Variants in GAPVD1 observed in about 807,000 individuals in gnomAD.
GAPVD1 encodes GTPase activating protein and VPS9 domains 1.
A neutral mutation model predicts 155.5 loss-of-function variants in GAPVD1; 35 were observed. The observed-to-expected ratio is 0.23, with a 90% CI of 0.17 to 0.30. The LOEUF (loss-of-function observed/expected upper bound fraction) is 0.30. Among genes scored for constraint, GAPVD1 ranks in the 10% least tolerant of loss-of-function variants. The pLI is 1.00. For missense variants in GAPVD1, 1,429 were observed against 1,775.7 expected, an observed-to-expected ratio of 0.80 and a Z score of 3.51; for synonymous variants, 636 against 619.7, an observed-to-expected ratio of 1.03 and a Z score of -0.39.
intron 2 of GAPVD1, among the ~76,000 whole-genome samples, chr9:125,293,851 T>A (rs1284905849): frequency 5.2e-5 from 2 of 38,290 alleles, no homozygotes; most frequent in Admixed American, 4.3e-4. Flanking sequence ...AAAAATATAT[T>A]TTATATATAT....
chr9:125,263,508 G>A (rs1456076586), intron 1 of GAPVD1: 4 of 762,758 alleles, frequency 5.2e-6, no homozygotes, highest in Non-Finnish European at 9.0e-6. Context: ...GGATTTATAA[G>A]TCTACTTAGA....
rs751784534 is a variant in GAPVD1 at position 125,267,660 on chromosome 9, CG to C, written c.-198-1274del. ...CTGACCTCAGGTGAACTGCCCGCTT[CG>C]GCCTCCCAAAGTGCTGGGATTACAG... On this transcript the variant is annotated intron_variant, in intron 1 of 27. Coordinates refer to ENST00000297933, the MANE Select transcript of GAPVD1 (RefSeq NM_001282680.3). Among the ~76,000 whole-genome samples the C allele has an allele frequency of 2.6e-5, 4 of 152,138 alleles. 1 individual carries two copies. Among genetic ancestry groups the C allele is most frequent in the South Asian group, 4.2e-4 (2 of 4,810 alleles).
At chr9:125,328,741 C>T (rs1292463322) in intron 12 of GAPVD1, among the ~76,000 whole-genome samples, 12 of 151,722 alleles carry the variant, frequency 7.9e-5, no homozygotes, top group South Asian at 4.2e-4. Flanking sequence ...GGGTGGTGGC[C>T]GGGCAGAGGG....
intron 2 of GAPVD1, among the ~76,000 whole-genome samples, chr9:125,274,988 T>TG (rs1428268013): frequency 2.0e-5 from 3 of 152,242 alleles, no homozygotes; most frequent in African/African-American, 7.2e-5. Flanking sequence ...CATATTGTTC[T>TG]GCAGTTTGCT....
chr9:125,273,040 G>A (rs1253654159), intron 2 of GAPVD1, among the ~76,000 whole-genome samples: 1 of 152,160 alleles, frequency 6.6e-6, no homozygotes, highest in African/African-American at 2.4e-5. Flanking sequence ...CTTCCTCTAA[G>A]TTTACAGTGT....
chr9:125,264,977 C>G (rs1833617985), intron 1 of GAPVD1, among the ~76,000 whole-genome samples: 1 of 152,240 alleles, frequency 6.6e-6, no homozygotes, highest in African/African-American at 2.4e-5. Context: ...CCTTGGCCCC[C>G]CAGAGTGCTA....
intron 27 of GAPVD1, among the ~76,000 whole-genome samples, 192 bp downstream of exon 27, chr9:125,360,917 A>C (rs1409170061): frequency 1.3e-5 from 2 of 152,196 alleles, no homozygotes; most frequent in Middle Eastern, 3.2e-3. Flanking sequence ...GCTGGAGTGC[A>C]GTAGTGTGAT....
chr9:125,311,450 C>T (rs988405321), intron 8 of GAPVD1, among the ~76,000 whole-genome samples: 15 of 152,004 alleles, frequency 9.9e-5, no homozygotes, highest in Non-Finnish European at 7.4e-5. Flanking sequence ...GGCAAAACCC[C>T]GTCTCTACTA....
At chr9:125,340,637 G>T (rs1346373273) in intron 17 of GAPVD1, among the ~76,000 whole-genome samples, 1 of 151,968 alleles carries the variant, frequency 6.6e-6, no homozygotes, top group Non-Finnish European at 1.5e-5. Flanking sequence ...TGCCCTTCTG[G>T]AGTTTATTTG....
chr9:125,278,893 TAACA>T (rs1161952364), intron 2 of GAPVD1, among the ~76,000 whole-genome samples: 5 of 150,798 alleles, frequency 3.3e-5, no homozygotes, highest in Non-Finnish European at 7.4e-5. Flanking sequence ...ATGCAAGGGA[TAACA>T]TTATAGCAGG....
At chr9:125,331,519 C>T (rs1846077062) in intron 13 of GAPVD1, among the ~76,000 whole-genome samples, 1 of 152,128 alleles carries the variant, frequency 6.6e-6, no homozygotes, top group South Asian at 2.1e-4. Context: ...AATGTTAAAG[C>T]ATTCAGATAT....
chr9:125,265,970 AGG>A (rs1833883645), intron 1 of GAPVD1, among the ~76,000 whole-genome samples: 1 of 146,742 alleles, frequency 6.8e-6, no homozygotes, highest in African/African-American at 2.5e-5. Context: ...TGTTAGGAGG[AGG>A]AAAAAAAAAC....
At chr9:125,340,966 C>T (rs1847765326) in intron 17 of GAPVD1, among the ~76,000 whole-genome samples, 1 of 152,106 alleles carries the variant, frequency 6.6e-6, no homozygotes, top group Non-Finnish European at 1.5e-5. Flanking sequence ...CACCTGTGGT[C>T]CTAGCTACTT....
chr9:125,323,776 C>T lies in GAPVD1; in HGVS notation c.1733-22C>T, dbSNP rs766333634. On this transcript the variant is annotated intron_variant, in intron 10 of 27. Coordinates refer to ENST00000297933, the MANE Select transcript of GAPVD1 (RefSeq NM_001282680.3). Reference sequence around the variant, plus strand: ...TCATGACTGTTTTAAAAAGATTGCTCACACTATAAACATTTCTCTAGGTCC... The same window carrying T: ...TCATGACTGTTTTAAAAAGATTGCTTACACTATAAACATTTCTCTAGGTCC... 2.5e-6 allele frequency: 4 copies of T among 1,612,424 alleles called. No homozygotes were observed. The South Asian group carries it at 4.4e-5, about 18-fold the overall frequency.
chr9:125,312,660 AC>A, intron 9 of GAPVD1, 48 bp downstream of exon 9: 2 of 1,403,676 alleles, frequency 1.4e-6, no homozygotes, highest in Non-Finnish European at 1.9e-6. Context: ...CTTAGTCCAT[AC>A]AGGCTGCTGT....
At position 125,364,595 on chromosome 9, in the gene GAPVD1, A is replaced by G. The variant is rs1036231624; in HGVS notation, c.*1849A>G. The G allele has an allele frequency of 1.3e-5, 2 of 152,198 alleles. No homozygotes were observed. The highest frequency in any genetic ancestry group is 2.4e-5 in the African/African-American group (1 of 41,440). The allele number at this position is 152,198 out of a possible 1,614,324, so 9.4% of individuals were successfully genotyped here. On this transcript the variant is annotated 3_prime_UTR_variant, in exon 28 of 28. Coordinates refer to ENST00000297933, the MANE Select transcript of GAPVD1 (RefSeq NM_001282680.3). Reference sequence around the variant, plus strand: ...CCCCTTCTTATTCATTTACTTTACAATACCAAAATAACAAATTGCATAGGA... The same window carrying G: ...CCCCTTCTTATTCATTTACTTTACAGTACCAAAATAACAAATTGCATAGGA...
chr9:125,278,138 C>T (rs1836111597), intron 2 of GAPVD1, among the ~76,000 whole-genome samples: 1 of 152,124 alleles, frequency 6.6e-6, no homozygotes, highest in South Asian at 2.1e-4. Flanking sequence ...CGTCGTGATT[C>T]AACATGATAT....
At chr9:125,313,292 T>C (rs1842914409) in intron 9 of GAPVD1, among the ~76,000 whole-genome samples, 1 of 151,470 alleles carries the variant, frequency 6.6e-6, no homozygotes, top group African/African-American at 2.4e-5. Flanking sequence ...AATTTTTTTT[T>C]TTCTTTTTCT....
chr9:125,264,998 C>T (rs1395430772), intron 1 of GAPVD1, among the ~76,000 whole-genome samples: 1 of 151,804 alleles, frequency 6.6e-6, no homozygotes, highest in African/African-American at 2.4e-5. Flanking sequence ...GGATTATTGG[C>T]GTGAGCCACC....
Sources: allele counts gnomAD v4.1 joint callset (sites outside exome capture counted in the v4.1 genomes callset), GRCh38; gene constraint gnomAD v4.1.1; transcripts MANE v1.5; gene names NCBI Gene and HGNC (gene_info 2026-07-23, HGNC 2026-07-21).